The following DNAAF5 variants were observed in gnomAD, a reference collection of about 807,000 sequenced individuals.
DNAAF5 encodes the protein HEAT repeat containing 2.
DNAAF5 carries 64 observed loss-of-function variants against 75.8 expected under a neutral mutation model. The ratio of observed to expected loss-of-function variants is 0.84; its 90% confidence interval spans 0.69 to 1.04. The LOEUF (loss-of-function observed/expected upper bound fraction) is 1.04, where lower values mean the gene tolerates loss of function less well. Ranked by LOEUF, DNAAF5 falls within the 50% of genes least tolerant of loss-of-function variation. The pLI, the probability that DNAAF5 is intolerant of heterozygous loss-of-function variation, is 0.00. For missense variants in DNAAF5, 1,269 were observed against 1,178.5 expected, an observed-to-expected ratio of 1.08 and a Z score of -1.12; for synonymous variants, 657 against 557.2, an observed-to-expected ratio of 1.18 and a Z score of -2.52.
chr7:732,031 T>C (rs1039717488), intron 2 of DNAAF5, among the ~76,000 whole-genome samples: 1 of 152,200 alleles, frequency 6.6e-6, no homozygotes, highest in Non-Finnish European at 1.5e-5. Flanking sequence ...TAGACTCGGC[T>C]TAAATCACTG....
chr7:727,335 C>T lies in DNAAF5; in HGVS notation c.595+20C>T. On this transcript the variant is annotated intron_variant, in intron 1 of 12. Coordinates refer to ENST00000297440, the MANE Select transcript of DNAAF5 (RefSeq NM_017802.4). The stretch of plus-strand genomic sequence containing the variant: ...CGCCCGGTGAGCACCCCGGGCCCCG[C>T]TCCCACACGCCACCCCACACTCTCA... 1 of 1,237,000 alleles carries T rather than the reference C, an allele frequency of 8.1e-7. No homozygotes were observed. The allele number at this position is 1,237,000 out of a possible 1,614,324, so 76.6% of individuals were successfully genotyped here.
intron 2 of DNAAF5, among the ~76,000 whole-genome samples, chr7:734,889 G>A (rs1281006546): frequency 6.6e-6 from 1 of 152,208 alleles, no homozygotes; most frequent in Non-Finnish European, 1.5e-5. Flanking sequence ...TCACAGTGTA[G>A]CTGCTCACGG....
chr7:769,067 C>T, intron 8 of DNAAF5: 1 of 691,092 alleles, frequency 1.4e-6, no homozygotes, highest in Admixed American at 2.0e-5. Context: ...TGACTTCGAG[C>T]CAGAGCAGCG....
In DNAAF5 at chr7:786,015, G is replaced by A; in HGVS notation, c.*362G>A. 5.3e-6 allele frequency: 1 copy of A among 187,848 alleles called. No individual in the cohort carries two copies. Among genetic ancestry groups the A allele is most frequent in the African/African-American group, 2.3e-5 (1 of 42,816 alleles). The allele number at this position is 187,848 out of a possible 1,614,324, so 11.6% of individuals were successfully genotyped here. A position where few individuals can be genotyped will look rare whatever the true frequency, so the allele number is the denominator to read the frequency against. ...TCCTGCTTAGGTGCCCACCAAGAAGGTTTTTACCTACTTAACAAAAAAGAA... is the reference window on the plus strand; with the variant it reads ...TCCTGCTTAGGTGCCCACCAAGAAGATTTTTACCTACTTAACAAAAAAGAA... On this transcript the variant is annotated 3_prime_UTR_variant, in exon 13 of 13. Transcript: ENST00000297440.
intron 6 of DNAAF5, 122 bp from the exon 7 acceptor site, chr7:761,631 C>T: frequency 3.0e-6 from 3 of 994,354 alleles, no homozygotes; most frequent in Non-Finnish European, 4.3e-6. Context: ...TGATTCAGTT[C>T]CCTCCCACAG....
At chr7:741,251 A>G (rs1781899470) in intron 3 of DNAAF5, 96 bp from the exon 4 acceptor site, 1 of 906,760 alleles carries the variant, frequency 1.1e-6, no homozygotes, top group Non-Finnish European at 1.7e-6. Flanking sequence ...GCTCTCACGC[A>G]ATGGGGTCTT....
At position 726,893 on chromosome 7, in the gene DNAAF5, A is replaced by G; in HGVS notation, c.173A>G (p.Glu58Gly). The change falls in exon 1 of 13, where the codon GAG becomes GGG. Residue 58 changes from glutamate (E) to glycine (G), a missense_variant. Transcript: ENST00000297440. ...TTGGAGGCCCTGCGGCGCGCGCTGG[A>G]GGAGCCAGGCCCTGCCGCCGACCCC... is the stretch of plus-strand genomic sequence containing the variant. Reference protein sequence around the residue: ...RALEALRRALEEPGPAADPTA... With the variant: ...RALEALRRALGEPGPAADPTA... 7.5e-7 allele frequency: 1 copy of G among 1,336,578 alleles called. No homozygotes were observed. The highest frequency in any genetic ancestry group is 1.8e-5 in the South Asian group (1 of 56,064). 82.8% of individuals were successfully genotyped at this position (1,336,578 alleles called of 1,614,324 possible). A position where few individuals can be genotyped will look rare whatever the true frequency, so the allele number is the denominator to read the frequency against.
chr7:766,245 A>G (rs1287953249), intron 8 of DNAAF5, among the ~76,000 whole-genome samples: 2 of 152,162 alleles, frequency 1.3e-5, no homozygotes, highest in Non-Finnish European at 2.9e-5. Flanking sequence ...TATTTCCAAC[A>G]TCGTGTCCTT....
chr7:780,835 T>C (rs1304265420), intron 12 of DNAAF5, among the ~76,000 whole-genome samples: 4 of 151,996 alleles, frequency 2.6e-5, no homozygotes, highest in African/African-American at 4.8e-5. Flanking sequence ...TCTTTTTTTT[T>C]TTTTTGTTTT....
At chr7:734,360 G>A (rs1037301171) in intron 2 of DNAAF5, among the ~76,000 whole-genome samples, 4 of 152,174 alleles carry the variant, frequency 2.6e-5, no homozygotes, top group South Asian at 4.1e-4. Context: ...TAATCACGTA[G>A]TTCTTGTCCT....
chr7:761,245 C>T (rs563699657), intron 6 of DNAAF5, among the ~76,000 whole-genome samples: 1 of 94,320 alleles, frequency 1.1e-5, no homozygotes, highest in South Asian at 3.3e-4. Context: ...ACCCTACCTC[C>T]AGCGCCTGGG....
rs1412196252 is a variant in DNAAF5 at position 780,122 on chromosome 7, G to A, written c.2409G>A (p.Arg803=). ...TGGTTCACCTTGACGATCCAGAGAGGGCCATCCAGGATGCAATTTTAGGTG... is the reference window on the plus strand; with the variant it reads ...TGGTTCACCTTGACGATCCAGAGAGAGCCATCCAGGATGCAATTTTAGGTG... The part of the protein sequence containing the change: ...ELLVHLDDPE[R]AIQDAILEVL... Residue 803 remains arginine (R), a synonymous_variant, in exon 12 of 13, where the codon AGG becomes AGA. Transcript: ENST00000297440. 5.0e-6 allele frequency: 8 copies of A among 1,614,034 alleles called. No individual in the cohort carries two copies. The highest frequency in any genetic ancestry group is 6.8e-6 in the Non-Finnish European group (8 of 1,179,966).
chr7:779,408 T>TA (rs1202159968), intron 11 of DNAAF5, among the ~76,000 whole-genome samples: 1 of 152,130 alleles, frequency 6.6e-6, no homozygotes, highest in Non-Finnish European at 1.5e-5. Context: ...TAAGATGATG[T>TA]AAAAAAAGCA....
chr7:779,918 T>A (rs761216816), intron 11 of DNAAF5, 35 bp from the exon 12 acceptor site: 1 of 1,587,104 alleles, frequency 6.3e-7, no homozygotes, highest in East Asian at 2.2e-5. Context: ...ATGTCTGCTC[T>A]AGACTCACAC....
At chr7:730,165 C>G (rs1213040824) in intron 2 of DNAAF5, among the ~76,000 whole-genome samples, 1 of 152,154 alleles carries the variant, frequency 6.6e-6, no homozygotes, top group Non-Finnish European at 1.5e-5. Flanking sequence ...GACGCACTTT[C>G]CCGAAAAGCC....
At chr7:732,661 A>T (rs996644229) in intron 2 of DNAAF5, 4 of 454,940 alleles carry the variant, frequency 8.8e-6, no homozygotes, top group Admixed American at 2.4e-5. Context: ...GTCTATTCAG[A>T]TCTGTCCATT....
intron 2 of DNAAF5, among the ~76,000 whole-genome samples, chr7:738,788 C>T (rs1205559414): frequency 6.6e-6 from 1 of 152,222 alleles, no homozygotes; most frequent in African/African-American, 2.4e-5. Flanking sequence ...CCCTAGCTGT[C>T]CTTGCTATCA....
intron 12 of DNAAF5, among the ~76,000 whole-genome samples, chr7:782,829 C>G (rs1055523917): frequency 1.3e-5 from 2 of 152,004 alleles, no homozygotes; most frequent in South Asian, 4.1e-4. Flanking sequence ...TGGCCACCTC[C>G]CATCCGGCGG....
chr7:733,026 T>C (rs996556926), intron 2 of DNAAF5, among the ~76,000 whole-genome samples: 6 of 152,244 alleles, frequency 3.9e-5, no homozygotes, highest in African/African-American at 1.2e-4. Context: ...GCACCATTTA[T>C]TGAAGAAACT....
Sources: allele counts gnomAD v4.1 joint callset (sites outside exome capture counted in the v4.1 genomes callset), GRCh38; gene constraint gnomAD v4.1.1; transcripts MANE v1.5; gene names NCBI Gene and HGNC (gene_info 2026-07-23, HGNC 2026-07-21).